The following SVEP1 variants were observed in gnomAD, a reference collection of about 807,000 sequenced individuals.
The protein encoded by SVEP1 is sushi, von Willebrand factor type A, EGF and pentraxin domain containing 1, also known as sushi, von Willebrand factor type A, EGF and pentraxin domain-containing protein 1.
Under a neutral mutation model 367.3 loss-of-function variants are expected in SVEP1, and 164 were observed. The observed-to-expected ratio is 0.45, with a 90% CI of 0.39 to 0.51. The LOEUF (loss-of-function observed/expected upper bound fraction) is 0.51. Among genes scored for constraint, SVEP1 ranks in the 20% least tolerant of loss-of-function variants. The probability of loss-of-function intolerance (pLI) is 0.00; values close to 1 mark genes in which losing one functional copy is unlikely to be tolerated. For synonymous variants in SVEP1, 1,666 were observed against 1,611.6 expected, an observed-to-expected ratio of 1.03 and a Z score of -0.81; for missense variants, 4,117 against 4,425.3, an observed-to-expected ratio of 0.93 and a Z score of 1.98.
At chr9:110,505,153 C>CATT (rs1182411150) in intron 5 of SVEP1, among the ~76,000 whole-genome samples, 3 of 152,182 alleles carry the variant, frequency 2.0e-5, no homozygotes, top group African/African-American at 7.2e-5. Context: ...CTGTCCTCAA[C>CATT]ATTACATCAG....
At chr9:110,447,191 G>T in intron 24 of SVEP1, 134 bp from the exon 25 acceptor site, 2 of 801,962 alleles carry the variant, frequency 2.5e-6, no homozygotes, top group Non-Finnish European at 3.5e-6. Flanking sequence ...TGCTTTAATT[G>T]CAGGTTACTT....
chr9:110,461,006 G>A (rs888439539), intron 18 of SVEP1, among the ~76,000 whole-genome samples: 1 of 151,998 alleles, frequency 6.6e-6, no homozygotes, highest in Non-Finnish European at 1.5e-5. Context: ...CTACTTGCTT[G>A]TTTTTTGTAT....
At chr9:110,553,359 C>T (rs577157761) in intron 1 of SVEP1, among the ~76,000 whole-genome samples, 2 of 152,158 alleles carry the variant, frequency 1.3e-5, no homozygotes, top group African/African-American at 2.4e-5. Flanking sequence ...GAACTGGGGT[C>T]ACAAAATGTA....
chr9:110,573,174 C>T (rs1241827810), intron 1 of SVEP1, among the ~76,000 whole-genome samples: 1 of 146,772 alleles, frequency 6.8e-6, no homozygotes, highest in African/African-American at 2.5e-5. Flanking sequence ...ACCCCCACCC[C>T]TTCCTATAAA....
At chr9:110,429,041 C>G in intron 35 of SVEP1, 102 bp downstream of exon 35, 2 of 1,017,470 alleles carry the variant, frequency 2.0e-6, no homozygotes, top group Non-Finnish European at 2.8e-6. Flanking sequence ...TGCACTCTAG[C>G]CTGAGTGTCA....
intron 43 of SVEP1, among the ~76,000 whole-genome samples, chr9:110,385,200 T>C (rs1419531104): frequency 3.9e-5 from 6 of 152,140 alleles, no homozygotes; most frequent in Non-Finnish European, 8.8e-5. Flanking sequence ...GGGCTGGTCT[T>C]GAACTCCTGA....
chr9:110,407,792 C>G lies in SVEP1; in HGVS notation c.7808G>C (p.Ser2603Thr). The change falls in exon 38 of 48, where the codon AGT (serine) becomes ACT (threonine). Residue 2603 changes from serine (S) to threonine (T), a missense_variant. Transcript: ENST00000374469. ...MQTCEESGWS[S>T]SIPTCMPIDC... ...TATTGGCATACATGTTGGGATGGAA[C>G]TTGACCATCCTGACTCTTCACAGGT... 6.2e-7 allele frequency: 1 copy of G among 1,613,998 alleles called. No individual in the cohort carries two copies. The highest frequency in any genetic ancestry group is 8.5e-7 in the Non-Finnish European group (1 of 1,179,890).
chr9:110,408,886 G>A lies in SVEP1; in HGVS notation c.6714C>T (p.Val2238=), dbSNP rs775187334. The change falls in exon 38 of 48, where the codon GTC becomes GTT. Residue 2238 remains valine (V), a synonymous_variant. Coordinates refer to ENST00000374469, the MANE Select transcript of SVEP1 (RefSeq NM_153366.4). ...CTTGGCAGACAAATACAGGACTTCC[G>A]ACTGACTTATAGCCCGGGTTACACT... ...RYQCNPGYKS[V]GSPVFVCQAN... The A allele has an allele frequency of 8.1e-6, 13 of 1,612,994 alleles. No homozygotes were observed. The highest frequency in any genetic ancestry group is 2.7e-5 in the African/African-American group (2 of 74,898).
intron 1 of SVEP1, among the ~76,000 whole-genome samples, chr9:110,554,282 T>C (rs1190310326): frequency 6.6e-6 from 1 of 152,216 alleles, no homozygotes; most frequent in African/African-American, 2.4e-5. Flanking sequence ...GAGAGTCTGC[T>C]TATGAAATTC....
intron 40 of SVEP1, among the ~76,000 whole-genome samples, chr9:110,398,169 G>A (rs1740077365): frequency 6.6e-6 from 1 of 151,970 alleles, no homozygotes; most frequent in Admixed American, 6.6e-5. Flanking sequence ...ACAGAACAGA[G>A]CCCTCAGAAA....
chr9:110,458,903 A>T, intron 19 of SVEP1, 49 bp downstream of exon 19: 1 of 1,579,310 alleles, frequency 6.3e-7, no homozygotes, highest in Non-Finnish European at 8.6e-7. Context: ...GAGACAGGGA[A>T]AAGTAAATGT....
Position 110,379,447 on chromosome 9 carries a change from G to A in SVEP1, c.10308C>T (p.Asp3436=), listed in dbSNP as rs367735800. 1 of 1,613,644 alleles carries A rather than the reference G, an allele frequency of 6.2e-7. No homozygotes were observed. The highest frequency in any genetic ancestry group is 8.5e-7 in the Non-Finnish European group (1 of 1,179,782). Residue 3436 remains aspartate (D), a synonymous_variant, in exon 44 of 48, where the codon GAC becomes GAT. Transcript: ENST00000374469. The part of the protein sequence containing the change: ...IARGVHYQYG[D]MITYSCYSGY... ...CACTGTAACATGAGTAGGTGATCAT[G>A]TCTCCATATTGATAATGTACGCCTC...
intron 24 of SVEP1, among the ~76,000 whole-genome samples, chr9:110,448,138 TGTGTGTGTGTGCGC>T (rs1828632657): frequency 1.4e-5 from 1 of 70,598 alleles, no homozygotes. Context: ...AATGTGTGTG[TGTGTGTGTGTGCGC>T]GTGTGTGTGT....
chr9:110,423,683 T>G (rs2118533574), intron 36 of SVEP1, among the ~76,000 whole-genome samples: 1 of 152,096 alleles, frequency 6.6e-6, no homozygotes, highest in East Asian at 1.9e-4. Flanking sequence ...AATAAAAAAT[T>G]CTATAACAAA....
chr9:110,534,274 T>C (rs545704750), intron 3 of SVEP1, among the ~76,000 whole-genome samples: 94 of 152,208 alleles, frequency 6.2e-4, no homozygotes, highest in Non-Finnish European at 6.3e-4. Context: ...TAAGAACATG[T>C]GGTGTTTGGT....
intron 15 of SVEP1, among the ~76,000 whole-genome samples, 177 bp from the exon 16 acceptor site, chr9:110,471,774 T>C (rs1829021354): frequency 6.6e-6 from 1 of 152,234 alleles, no homozygotes; most frequent in Admixed American, 6.5e-5. Context: ...TAACCACTAT[T>C]TAGTGAACAA....
At chr9:110,465,766 G>T in intron 18 of SVEP1, 99 bp downstream of exon 18, 2 of 1,375,096 alleles carry the variant, frequency 1.5e-6, no homozygotes, top group Non-Finnish European at 2.0e-6. Flanking sequence ...TCCATTCTGT[G>T]CATAGAGTAG....
At chr9:110,366,591 A>G (rs756055584) in intron 47 of SVEP1, 31 bp from the exon 48 acceptor site, 1 of 1,517,472 alleles carries the variant, frequency 6.6e-7, no homozygotes, top group Admixed American at 2.3e-5. Context: ...AACCAAATAG[A>G]TTCAAAAGAA....
chr9:110,565,209 G>A (rs1307568292), intron 1 of SVEP1, among the ~76,000 whole-genome samples: 1 of 152,158 alleles, frequency 6.6e-6, no homozygotes, highest in Non-Finnish European at 1.5e-5. Context: ...GCAGGGGAAC[G>A]CTGAGTAACT....
Sources: allele counts gnomAD v4.1 joint callset (sites outside exome capture counted in the v4.1 genomes callset), GRCh38; gene constraint gnomAD v4.1.1; transcripts MANE v1.5; gene names NCBI Gene and HGNC (gene_info 2026-07-23, HGNC 2026-07-21).